Variants in IQSEC1 observed in about 807,000 individuals in gnomAD.
IQSEC1 encodes the protein IQ motif and SEC7 domain-containing protein 1.
In IQSEC1, 31 loss-of-function variants were observed where a neutral mutation model predicts 91.0. The ratio of observed to expected loss-of-function variants is 0.34; its 90% CI spans 0.26 to 0.46. The LOEUF (loss-of-function observed/expected upper bound fraction) is 0.46, where lower values mean the gene tolerates loss of function less well. Ranked by LOEUF, IQSEC1 falls within the 20% of genes least tolerant of loss-of-function variation. The pLI is 1.00. For synonymous variants in IQSEC1, 699 were observed against 662.6 expected (o/e 1.05, Z -0.84); for missense variants, 1,388 against 1,575.6 (o/e 0.88, Z 2.02).
intron 1 of IQSEC1, among the ~76,000 whole-genome samples, chr3:13,071,153 G>GTTT (rs796412810): frequency 0.021 from 1,897 of 90,858 alleles, 50 homozygotes; most frequent in South Asian, 0.051. Flanking sequence ...GTTTTTTTTT[G>GTTT]TTTTTTTTTT....
chr3:13,257,568 G>C (rs1389079890), intron 1 of IQSEC1, among the ~76,000 whole-genome samples: 1 of 152,108 alleles, frequency 6.6e-6, no homozygotes, highest in Non-Finnish European at 1.5e-5. Flanking sequence ...AGGGAGACTC[G>C]GGACATCTTC....
intron 1 of IQSEC1, among the ~76,000 whole-genome samples, chr3:13,041,345 C>A (rs1371979304): frequency 6.6e-6 from 1 of 152,182 alleles, no homozygotes; most frequent in East Asian, 1.9e-4. Context: ...CTCCCAAGAG[C>A]AGGGACTTCC....
At chr3:13,201,136 G>A (rs1184026261) in intron 1 of IQSEC1, among the ~76,000 whole-genome samples, 2 of 152,126 alleles carry the variant, frequency 1.3e-5, no homozygotes, top group Non-Finnish European at 2.9e-5. Context: ...TCTGCAGCAG[G>A]GGGAGCTGGT....
intron 1 of IQSEC1, among the ~76,000 whole-genome samples, chr3:12,990,931 G>T (rs1701958781): frequency 2.6e-5 from 4 of 152,194 alleles, no homozygotes; most frequent in African/African-American, 9.7e-5. Flanking sequence ...TGCTCGCTGG[G>T]TTTGCACTGC....
intron 1 of IQSEC1, among the ~76,000 whole-genome samples, chr3:13,243,456 C>T (rs1190677925): frequency 1.3e-5 from 2 of 152,224 alleles, no homozygotes; most frequent in Non-Finnish European, 2.9e-5. Flanking sequence ...GAATACACTG[C>T]AGACAGACCC....
At chr3:12,976,137 G>C (rs1471521283) in intron 1 of IQSEC1, among the ~76,000 whole-genome samples, 1 of 152,222 alleles carries the variant, frequency 6.6e-6, no homozygotes, top group Non-Finnish European at 1.5e-5. Context: ...CTTACACCCA[G>C]CCTGCTCCCT....
At chr3:12,919,248 G>A (rs1009330018) in intron 6 of IQSEC1, among the ~76,000 whole-genome samples, 8 of 152,342 alleles carry the variant, frequency 5.3e-5, no homozygotes, top group Admixed American at 2.6e-4. Flanking sequence ...TGGGGCCTGC[G>A]ATGCCCCTCA....
At chr3:13,149,928 C>T (rs1174042249) in intron 2 of IQSEC1, among the ~76,000 whole-genome samples, 3 of 152,176 alleles carry the variant, frequency 2.0e-5, no homozygotes, top group Non-Finnish European at 4.4e-5. Context: ...AAAAATCATC[C>T]AGGCTATTGA....
intron 6 of IQSEC1, among the ~76,000 whole-genome samples, chr3:12,917,136 A>C (rs1696169767): frequency 6.6e-6 from 1 of 151,948 alleles, no homozygotes; most frequent in South Asian, 2.1e-4. Flanking sequence ...ATTGAGCAGA[A>C]GGCAGACTTC....
At chr3:13,203,422 C>T (rs114670243) in intron 1 of IQSEC1, among the ~76,000 whole-genome samples, 3,947 of 152,278 alleles carry the variant, frequency 0.026, 72 homozygotes, top group Middle Eastern at 0.058. Context: ...AACCCCATAG[C>T]CCATCTCTCT....
At chr3:13,092,694 T>C (rs1289547633) in intron 2 of IQSEC1, among the ~76,000 whole-genome samples, 1 of 152,158 alleles carries the variant, frequency 6.6e-6, no homozygotes, top group Non-Finnish European at 1.5e-5. Flanking sequence ...ACAATCTCAA[T>C]GGTGTCTCCT....
chr3:13,173,811 C>T lies in IQSEC1; in HGVS notation c.273-9678G>A, dbSNP rs563629823. On this transcript the variant is annotated intron_variant, in intron 1 of 15. Coordinates refer to the IQSEC1 transcript ENST00000648114. Reference sequence around the variant, plus strand: ...GAAAGTGTGGCCTGGGCACCCACAGCATCAGCATCACCTAGGAACCTGTTA... The same window carrying T: ...GAAAGTGTGGCCTGGGCACCCACAGTATCAGCATCACCTAGGAACCTGTTA... Among the ~76,000 whole-genome samples, 4 of 152,336 alleles carry T rather than the reference C, an allele frequency of 2.6e-5. No homozygotes were observed. The South Asian group carries it at 8.3e-4, about 32-fold the overall frequency.
chr3:12,899,311 A>G lies in IQSEC1; in HGVS notation c.*1672T>C, dbSNP rs977433203. ...GGGAACGCGGCCCCGCGGCCCGCAG[A>G]GTCAGGCGTGAGCTTCGCCCTTTCT... On this transcript the variant is annotated 3_prime_UTR_variant, in exon 14 of 14. Coordinates refer to ENST00000613206, the MANE Select transcript of IQSEC1 (RefSeq NM_001134382.3). 3 of 1,512,028 alleles carry G rather than the reference A, an allele frequency of 2.0e-6. No homozygotes were observed. The highest frequency in any genetic ancestry group is 1.4e-5 in the African/African-American group (1 of 72,698). The allele number at this position is 1,512,028 out of a possible 1,614,324, so 93.7% of individuals were successfully genotyped here.
intron 1 of IQSEC1, among the ~76,000 whole-genome samples, chr3:12,995,657 A>T (rs1702199064): frequency 6.6e-6 from 1 of 152,234 alleles, no homozygotes. Context: ...TTTATTGAGC[A>T]TCTAAGTTGT....
chr3:12,996,974 G>A (rs1481528024), intron 1 of IQSEC1, among the ~76,000 whole-genome samples: 1 of 152,218 alleles, frequency 6.6e-6, no homozygotes. Flanking sequence ...GCAACCAATC[G>A]GGAAGGGTAT....
chr3:13,247,518 C>A (rs1012750115), intron 1 of IQSEC1, among the ~76,000 whole-genome samples: 1 of 152,200 alleles, frequency 6.6e-6, no homozygotes, highest in Non-Finnish European at 1.5e-5. Context: ...TGGTCAGGCT[C>A]CACGCCAGAA....
chr3:13,112,773 C>T (rs1706270620), intron 2 of IQSEC1, among the ~76,000 whole-genome samples: 2 of 152,228 alleles, frequency 1.3e-5, no homozygotes, highest in African/African-American at 4.8e-5. Flanking sequence ...CCTGGCCACA[C>T]AGGCCTGACC....
chr3:13,053,382 C>G (rs757568364), intron 1 of IQSEC1, among the ~76,000 whole-genome samples: 1 of 152,236 alleles, frequency 6.6e-6, no homozygotes, highest in Non-Finnish European at 1.5e-5. Context: ...AGAACCCATT[C>G]GCTGCTGTAA....
chr3:13,080,294 A>G (rs57281533), intron 2 of IQSEC1, among the ~76,000 whole-genome samples: 2,854 of 152,162 alleles, frequency 0.019, 102 homozygotes, highest in African/African-American at 0.064. Context: ...GCACTGAGGC[A>G]TGAGAGTGGG....
Sources: gnomAD v4.1 joint callset for allele counts (sites outside exome capture counted in the v4.1 genomes callset) on GRCh38, gnomAD v4.1.1 for gene constraint, MANE v1.5 for transcripts, NCBI Gene and HGNC (gene_info 2026-07-23, HGNC 2026-07-21) for gene names.